IL17F: variants seen among roughly 807,000 people sequenced by gnomAD.
IL17F encodes the protein interleukin-17F.
IL17F carries 6 observed loss-of-function variants against 8.3 expected under a neutral mutation model. The observed-to-expected ratio is 0.73, with a 90% CI of 0.40 to 1.43. The LOEUF is 1.43. IL17F is among the 40% of genes most tolerant of loss of function. The probability of loss-of-function intolerance (pLI) is 0.02; values close to 1 mark genes in which losing one functional copy is unlikely to be tolerated. For synonymous variants in IL17F, 98 were observed against 81.6 expected, an observed-to-expected ratio of 1.20 and a Z score of -1.08; for missense variants, 204 against 209.6, an observed-to-expected ratio of 0.97 and a Z score of 0.17.
At position 52,236,899 on chromosome 6, in the gene IL17F, A is replaced by G; in HGVS notation, c.*32T>C. 6.4e-7 allele frequency: 1 copy of G among 1,562,274 alleles called. No homozygotes were observed. On this transcript the variant is annotated 3_prime_UTR_variant, in exon 3 of 3. Transcript: ENST00000336123. ...GCACTGGGTAAGGAGTGGCATTTCTACAGCTTCTTCAGCTGAGTGGATATG... is the reference window on the plus strand; with the variant it reads ...GCACTGGGTAAGGAGTGGCATTTCTGCAGCTTCTTCAGCTGAGTGGATATG...
At position 52,237,227 on chromosome 6, in the gene IL17F, G is replaced by A. The variant is rs1763982214; in HGVS notation, c.255-59C>T. The A allele has an allele frequency of 6.1e-6, 8 of 1,310,358 alleles. No individual in the cohort carries two copies. The South Asian group carries it at 7.3e-5, about 12-fold the overall frequency. 81.2% of individuals were successfully genotyped at this position (1,310,358 alleles called of 1,614,324 possible). On this transcript the variant is annotated intron_variant, in intron 2 of 2. Coordinates refer to ENST00000336123, the MANE Select transcript of IL17F (RefSeq NM_052872.4). Reference sequence around the variant, plus strand: ...GGCATGGGGGAGGAAGACAGCGAATGAGAGCCCCACAGCACTGAGTGTTCA... The same window carrying A: ...GGCATGGGGGAGGAAGACAGCGAATAAGAGCCCCACAGCACTGAGTGTTCA...
intron 1 of IL17F, among the ~76,000 whole-genome samples, chr6:52,243,790 TCTCG>T (rs1445405360): frequency 6.6e-6 from 1 of 151,628 alleles, no homozygotes; most frequent in Non-Finnish European, 1.5e-5. Context: ...TGAGACAGAG[TCTCG>T]CTATGTCACC....
chr6:52,237,260 G>GCCTCCCTGCAGGT, intron 2 of IL17F, 92 bp from the exon 3 acceptor site: 1 of 969,132 alleles, frequency 1.0e-6, no homozygotes, highest in Non-Finnish European at 1.6e-6. Context: ...TCACCTGCAG[G>GCCTCCCTGCAGGT]GAGGCAGTTC....
chr6:52,238,641 T>C lies in IL17F; in HGVS notation c.254+89A>G, dbSNP rs1225298865. 9 of 1,132,260 alleles carry C rather than the reference T, an allele frequency of 7.9e-6. No homozygotes were observed. In the East Asian group the frequency reaches 2.0e-4, roughly 26 times the overall value. The allele number at this position is 1,132,260 out of a possible 1,614,324, so 70.1% of individuals were successfully genotyped here. On this transcript the variant is annotated intron_variant, in intron 2 of 2. Coordinates refer to ENST00000336123, the MANE Select transcript of IL17F (RefSeq NM_052872.4). Reference sequence around the variant, plus strand: ...TAAGAGGATTTTCCCTTTTATTTTTTCTATGTATTCTACATTTTCTACTTT... The same window carrying C: ...TAAGAGGATTTTCCCTTTTATTTTTCCTATGTATTCTACATTTTCTACTTT...
In IL17F at chr6:52,237,078, G is replaced by A. The variant is rs137981743; in HGVS notation, c.345C>T (p.Asp115=). The stretch of plus-strand genomic sequence containing the variant: ...GGATGGGAACGGAATTCATGGAGAT[G>A]TCTTCCTTTCCTTGAGCATTGATGC... ...LGCINAQGKE[D]ISMNSVPIQQ... is the part of the protein sequence containing the mutation. Residue 115 remains aspartate (D), a synonymous_variant, in exon 3 of 3, where the codon GAC becomes GAT. Transcript: ENST00000336123. 16 of 1,614,112 alleles carry A rather than the reference G, an allele frequency of 9.9e-6. No individual in the cohort carries two copies. Among genetic ancestry groups the A allele is most frequent in the Non-Finnish European group, 1.4e-5 (16 of 1,180,038 alleles).
upstream of IL17F, chr6:52,244,586 C>T (rs1764130296): frequency 2.7e-6 from 2 of 728,752 alleles, no homozygotes; most frequent in East Asian, 2.7e-5. Flanking sequence ...TGTGGTTGAC[C>T]CGGAGTTACT....
At chr6:52,237,253 C>T in intron 2 of IL17F, 85 bp from the exon 3 acceptor site, 1 of 1,044,754 alleles carries the variant, frequency 9.6e-7, no homozygotes, top group African/African-American at 1.6e-5. Context: ...TGAGTGTTCA[C>T]CTGCAGGGAG....
At chr6:52,243,776 T>A (rs545409811) in intron 1 of IL17F, among the ~76,000 whole-genome samples, 60 of 152,090 alleles carry the variant, frequency 3.9e-4, no homozygotes, top group Non-Finnish European at 6.3e-4. Context: ...CATTTTTTTT[T>A]CTTTGAGACA....
chr6:52,241,369 C>T lies in IL17F; in HGVS notation c.34-2419G>A, dbSNP rs1304600720. Among the ~76,000 whole-genome samples the T allele has an allele frequency of 1.2e-4, 19 of 152,236 alleles. No individual in the cohort carries two copies. The South Asian group carries it at 2.7e-3, about 22-fold the overall frequency. On this transcript the variant is annotated intron_variant, in intron 1 of 2. Coordinates refer to ENST00000336123, the MANE Select transcript of IL17F (RefSeq NM_052872.4). Reference sequence around the variant, plus strand: ...CTGGGATTACAGGCCTGAGCTACCGCGCCTGGCCTGCTATGACTTTTTTTT... The same window carrying T: ...CTGGGATTACAGGCCTGAGCTACCGTGCCTGGCCTGCTATGACTTTTTTTT...
chr6:52,240,188 G>C (rs1027317582), intron 1 of IL17F, among the ~76,000 whole-genome samples: 1 of 152,170 alleles, frequency 6.6e-6, no homozygotes, highest in Non-Finnish European at 1.5e-5. Context: ...TGTAATCCCA[G>C]CATTTTGGGA....
intron 1 of IL17F, among the ~76,000 whole-genome samples, chr6:52,243,380 ATC>A (rs1354784213): frequency 6.6e-6 from 1 of 152,182 alleles, no homozygotes; most frequent in African/African-American, 2.4e-5. Context: ...TTGCATTAAC[ATC>A]TCTCTTTCCT....
chr6:52,240,840 TG>T (rs1562359862), intron 1 of IL17F, among the ~76,000 whole-genome samples: 3 of 151,604 alleles, frequency 2.0e-5, no homozygotes, highest in African/African-American at 4.9e-5. Context: ...GTCCAGGGTC[TG>T]TAACTCAATT....
At chr6:52,239,148 C>T (rs545025110) in intron 1 of IL17F, 198 bp from the exon 2 acceptor site, 3 of 594,134 alleles carry the variant, frequency 5.0e-6, no homozygotes, top group Admixed American at 5.5e-5. Flanking sequence ...AACTCAGTAG[C>T]CTAGCTAGTA....
At chr6:52,239,726 T>G (rs1237281086) in intron 1 of IL17F, among the ~76,000 whole-genome samples, 4 of 151,412 alleles carry the variant, frequency 2.6e-5, no homozygotes, top group Admixed American at 2.6e-4. Flanking sequence ...ATAAACACTT[T>G]TGGAATGAAT....
At chr6:52,243,905 G>A (rs1433082936) in intron 1 of IL17F, among the ~76,000 whole-genome samples, 1 of 152,160 alleles carries the variant, frequency 6.6e-6, no homozygotes, top group Non-Finnish European at 1.5e-5. Context: ...TGGGATTACA[G>A]GCAACTGACC....
chr6:52,238,841 G>A lies in IL17F; in HGVS notation c.143C>T (p.Pro48Leu), dbSNP rs1390182393. Residue 48 changes from proline to leucine, a missense_variant, in exon 2 of 3, where the codon CCG becomes CTG. Coordinates refer to ENST00000336123, the MANE Select transcript of IL17F (RefSeq NM_052872.4). ...CTTCATACTACCTCCTGGCACAGGC[G>A]GGCAACTCTCAGGCTTTTGGAAAAA... is the stretch of plus-strand genomic sequence containing the variant. ...HTFFQKPESCPPVPGGSMKLD... is the reference protein window; with the variant it reads ...HTFFQKPESCLPVPGGSMKLD... The A allele has an allele frequency of 1.4e-5, 22 of 1,614,034 alleles. No homozygotes were observed. The highest frequency in any genetic ancestry group is 2.2e-5 in the East Asian group (1 of 44,884).
chr6:52,244,274 G>A, intron 1 of IL17F, 123 bp downstream of exon 1: 2 of 946,256 alleles, frequency 2.1e-6, no homozygotes, highest in African/African-American at 1.6e-5. Context: ...CAAAATTAAA[G>A]TCATCTCTGT....
chr6:52,241,984 A>G (rs1320929413), intron 1 of IL17F, among the ~76,000 whole-genome samples: 1 of 152,202 alleles, frequency 6.6e-6, no homozygotes, highest in Non-Finnish European at 1.5e-5. Context: ...AGGAAATCAG[A>G]TGATGTCTGC....
At position 52,236,687 on chromosome 6, in the gene IL17F, AATT is replaced by A. The variant is rs2128267310; in HGVS notation, c.*241_*243del. 2.1e-6 allele frequency: 1 copy of A among 465,682 alleles called. No homozygotes were observed. Among genetic ancestry groups the A allele is most frequent in the East Asian group, 4.0e-5 (1 of 25,088 alleles). The allele number at this position is 465,682 out of a possible 1,614,324, so 28.8% of individuals were successfully genotyped here. ...CAAACAAACACCTGAAGTATTTTTA[AATT>A]ATTAATACTTTATTATATTAGCACT... On this transcript the variant is annotated 3_prime_UTR_variant, in exon 3 of 3. Transcript: ENST00000336123.
Sources: gnomAD v4.1 joint callset for allele counts (sites outside exome capture counted in the v4.1 genomes callset) on GRCh38, gnomAD v4.1.1 for gene constraint, MANE v1.5 for transcripts, NCBI Gene and HGNC (gene_info 2026-07-23, HGNC 2026-07-21) for gene names.